The following NUDT2 variants were observed in gnomAD, a reference collection of about 807,000 sequenced individuals.
NUDT2 encodes the protein nudix hydrolase 2.
NUDT2 carries 12 observed loss-of-function variants against 14.2 expected under a neutral mutation model. The observed-to-expected ratio is 0.84, with a 90% CI of 0.54 to 1.37. The LOEUF is 1.37. NUDT2 is among the 40% of genes most tolerant of loss of function. NUDT2 has a pLI of 0.00. For missense variants in NUDT2, 167 were observed against 176.7 expected (o/e 0.95, Z 0.31); for synonymous variants, 67 against 67.4 (o/e 0.99, Z 0.03).
intron 4 of NUDT2, among the ~76,000 whole-genome samples, chr9:34,340,397 T>G (rs1299893194): frequency 8.9e-6 from 1 of 112,220 alleles, no homozygotes; most frequent in Non-Finnish European, 2.2e-5. Context: ...CAGGGCCTTC[T>G]TAGACCAGGA....
At chr9:34,335,756 G>A (rs977128788) in intron 1 of NUDT2, among the ~76,000 whole-genome samples, 1 of 152,180 alleles carries the variant, frequency 6.6e-6, no homozygotes, top group Non-Finnish European at 1.5e-5. Flanking sequence ...AGCTGATGTG[G>A]TTCTTAGATG....
chr9:34,343,035 G>GAA (rs56783603), intron 4 of NUDT2, 89 bp from the exon 5 acceptor site: 4,531 of 1,092,602 alleles, frequency 4.1e-3, no homozygotes, highest in Non-Finnish European at 5.1e-3. Flanking sequence ...AAGCAAAACA[G>GAA]AAAAAAAAAA....
At chr9:34,341,807 G>C (rs1306851772) in intron 4 of NUDT2, among the ~76,000 whole-genome samples, 1 of 152,164 alleles carries the variant, frequency 6.6e-6, no homozygotes, top group East Asian at 1.9e-4. Context: ...ACCGCCCCTG[G>C]ACCCTGGGGA....
chr9:34,342,951 A>G (rs561960731), intron 4 of NUDT2, among the ~76,000 whole-genome samples, 173 bp from the exon 5 acceptor site: 1 of 152,048 alleles, frequency 6.6e-6, no homozygotes, highest in Non-Finnish European at 1.5e-5. Context: ...ACTTGAGCCC[A>G]GGAATTCAAG....
At chr9:34,334,193 CT>C (rs961881250) in intron 1 of NUDT2, among the ~76,000 whole-genome samples, 6 of 152,102 alleles carry the variant, frequency 3.9e-5, no homozygotes, top group Non-Finnish European at 8.8e-5. Flanking sequence ...TTTGTAAATT[CT>C]TTTTTTGGTA....
At chr9:34,330,568 T>A (rs984850957) in intron 1 of NUDT2, among the ~76,000 whole-genome samples, 3 of 152,258 alleles carry the variant, frequency 2.0e-5, no homozygotes, top group Non-Finnish European at 4.4e-5. Context: ...TCTACTCTTC[T>A]GAAAAATGGC....
chr9:34,343,545 C>G lies in NUDT2; in HGVS notation c.*105C>G. 3.9e-6 allele frequency: 4 copies of G among 1,023,996 alleles called. No homozygotes were observed. The highest frequency in any genetic ancestry group is 5.5e-6 in the Non-Finnish European group (4 of 729,170). 63.4% of individuals were successfully genotyped at this position (1,023,996 alleles called of 1,614,324 possible). On this transcript the variant is annotated 3_prime_UTR_variant, in exon 5 of 5. Transcript: ENST00000379158. The stretch of plus-strand genomic sequence containing the variant: ...GGTTGTGCTGGTATTTGGCTCATGA[C>G]AGCCAAGAGCAGATTTGTGAAATCG...
At chr9:34,329,799 A>T (rs1157132169) in intron 1 of NUDT2, among the ~76,000 whole-genome samples, 200 bp downstream of exon 1, 1 of 152,100 alleles carries the variant, frequency 6.6e-6, no homozygotes, top group Non-Finnish European at 1.5e-5. Context: ...CTGCACCGGG[A>T]GAAGGGAGGT....
intron 1 of NUDT2, among the ~76,000 whole-genome samples, chr9:34,330,194 G>T (rs1034737087): frequency 1.3e-5 from 2 of 152,196 alleles, no homozygotes; most frequent in Non-Finnish European, 2.9e-5. Flanking sequence ...ACGAGGTCAG[G>T]AGATCGAGAC....
In NUDT2 at chr9:34,343,083, A is replaced by G; in HGVS notation, c.128-41A>G. ...GAAAATCCAGCTTTGGGAACTTTGG[A>G]AGATTTCCTCCTCCTTTTCTTCCTC... On this transcript the variant is annotated intron_variant, in intron 4 of 4. Coordinates refer to ENST00000379158, the MANE Select transcript of NUDT2 (RefSeq NM_001161.5). 2.0e-6 allele frequency: 3 copies of G among 1,531,178 alleles called. No individual in the cohort carries two copies. The East Asian group carries it at 6.8e-5, about 35-fold the overall frequency. The allele number at this position is 1,531,178 out of a possible 1,614,324, so 94.8% of individuals were successfully genotyped here. A position where few individuals can be genotyped will look rare whatever the true frequency, so the allele number is the denominator to read the frequency against.
Position 34,343,697 on chromosome 9 carries a change from CA to C in NUDT2, c.*259del, listed in dbSNP as rs1820255614. ...CTTTATAAATAAACCTCAAGCAGCT[CA>C]AGGTTGTCCTTCTAACCTGTTGTGT... On this transcript the variant is annotated 3_prime_UTR_variant, in exon 5 of 5. Coordinates refer to ENST00000379158, the MANE Select transcript of NUDT2 (RefSeq NM_001161.5). The C allele has an allele frequency of 2.6e-6, 1 of 389,816 alleles. No homozygotes were observed. Among genetic ancestry groups the C allele is most frequent in the Admixed American group, 4.2e-5 (1 of 23,868 alleles). The allele number at this position is 389,816 out of a possible 1,614,324, so 24.1% of individuals were successfully genotyped here.
intron 1 of NUDT2, among the ~76,000 whole-genome samples, chr9:34,335,784 C>A (rs1031257694): frequency 5.9e-5 from 9 of 152,330 alleles, no homozygotes; most frequent in African/African-American, 1.9e-4. Context: ...CCCTAATACA[C>A]TGGCATCCAC....
rs530943242 is a variant in NUDT2, at chr9:34,343,514, A to G, written c.*74A>G. On this transcript the variant is annotated 3_prime_UTR_variant, in exon 5 of 5. Transcript: ENST00000379158. Reference sequence around the variant, plus strand: ...CTAAGATGAAGCCACCCTCAGGTCCAGGGAAGGTTGTGCTGGTATTTGGCT... The same window carrying G: ...CTAAGATGAAGCCACCCTCAGGTCCGGGGAAGGTTGTGCTGGTATTTGGCT... 57 of 1,347,126 alleles carry G rather than the reference A, an allele frequency of 4.2e-5. No individual in the cohort carries two copies. The East Asian group carries it at 1.3e-3, about 31-fold the overall frequency. The allele number at this position is 1,347,126 out of a possible 1,614,324, so 83.4% of individuals were successfully genotyped here. A position where few individuals can be genotyped will look rare whatever the true frequency, so the allele number is the denominator to read the frequency against.
At chr9:34,337,921 G>A (rs1009159858) in intron 2 of NUDT2, among the ~76,000 whole-genome samples, 1 of 151,774 alleles carries the variant, frequency 6.6e-6, no homozygotes, top group South Asian at 2.1e-4. Context: ...CACCACAACC[G>A]TAACCTCCGC....
rs1383116383 is a variant in NUDT2 at position 34,343,278 on chromosome 9, G to T, written c.282G>T (p.Trp94Cys). The T allele has an allele frequency of 6.2e-7, 1 of 1,612,078 alleles. No individual in the cohort carries two copies. The highest frequency in any genetic ancestry group is 8.5e-7 in the Non-Finnish European group (1 of 1,179,512). Residue 94 changes from tryptophan (W) to cysteine (C), a missense_variant, in exon 5 of 5, where the codon TGG becomes TGT. Trp to Cys is a radical substitution (Grantham distance 215). Coordinates refer to ENST00000379158, the MANE Select transcript of NUDT2 (RefSeq NM_001161.5). The stretch of plus-strand genomic sequence containing the variant: ...ACAAGCCTAAAACAGTCATTTACTG[G>T]CTGGCGGAGGTGAAGGACTATGACG... ...ARNKPKTVIY[W>C]LAEVKDYDVE...
rs780514198 is a variant in NUDT2 at position 34,343,674 on chromosome 9, T to A, written c.*234T>A. The A allele has an allele frequency of 7.0e-5, 32 of 456,676 alleles. No individual in the cohort carries two copies. Among genetic ancestry groups the A allele is most frequent in the Non-Finnish European group, 1.1e-4 (29 of 259,356 alleles). The allele number at this position is 456,676 out of a possible 1,614,324, so 28.3% of individuals were successfully genotyped here. A position where few individuals can be genotyped will look rare whatever the true frequency, so the allele number is the denominator to read the frequency against. ...AGGCCCAGTAAGTGTACCTTGTACT[T>A]TATAAATAAACCTCAAGCAGCTCAA... is the stretch of plus-strand genomic sequence containing the variant. On this transcript the variant is annotated 3_prime_UTR_variant, in exon 5 of 5. Coordinates refer to ENST00000379158, the MANE Select transcript of NUDT2 (RefSeq NM_001161.5).
At chr9:34,331,827 C>G in intron 1 of NUDT2, among the ~76,000 whole-genome samples, 1 of 152,164 alleles carries the variant, frequency 6.6e-6, no homozygotes, top group East Asian at 1.9e-4. Context: ...CAAACAAATG[C>G]TTCACTTGCA....
chr9:34,330,933 C>T (rs985291460), intron 1 of NUDT2, among the ~76,000 whole-genome samples: 1 of 152,002 alleles, frequency 6.6e-6, no homozygotes, highest in African/African-American at 2.4e-5. Flanking sequence ...TGCACTCCAG[C>T]CTGGGCGACA....
intron 1 of NUDT2, among the ~76,000 whole-genome samples, chr9:34,332,475 T>C (rs1371282096): frequency 6.6e-6 from 1 of 152,334 alleles, no homozygotes; most frequent in Non-Finnish European, 1.5e-5. Flanking sequence ...TTCATATCTA[T>C]CTGTCAATCC....
Sources: gnomAD v4.1 joint callset for allele counts (sites outside exome capture counted in the v4.1 genomes callset) on GRCh38, gnomAD v4.1.1 for gene constraint, MANE v1.5 for transcripts, NCBI Gene and HGNC (gene_info 2026-07-23, HGNC 2026-07-21) for gene names.